Variants in NPAS3 observed in about 807,000 individuals in gnomAD.
The protein encoded by NPAS3 is neuronal PAS domain protein 3.
A neutral mutation model predicts 73.1 loss-of-function variants in NPAS3; 14 were observed. The ratio of observed to expected loss-of-function variants is 0.19; its 90% CI spans 0.13 to 0.30. The LOEUF (loss-of-function observed/expected upper bound fraction) is 0.30, where lower values mean the gene tolerates loss of function less well. Ranked by LOEUF, NPAS3 falls within the 10% of genes least tolerant of loss-of-function variation. The pLI, the probability that NPAS3 is intolerant of heterozygous loss-of-function variation, is 1.00. For synonymous variants in NPAS3, 620 were observed against 541.5 expected, an observed-to-expected ratio of 1.14 and a Z score of -2.01; for missense variants, 1,096 against 1,250.0, an observed-to-expected ratio of 0.88 and a Z score of 1.86.
At chr14:33,572,597 A>G (rs1288626518) in intron 5 of NPAS3, among the ~76,000 whole-genome samples, 1 of 152,228 alleles carries the variant, frequency 6.6e-6, no homozygotes, top group Non-Finnish European at 1.5e-5. Flanking sequence ...ACTTGACTCC[A>G]AAGCACTCAT....
At chr14:33,536,915 C>T (rs1439021702) in intron 4 of NPAS3, among the ~76,000 whole-genome samples, 3 of 152,074 alleles carry the variant, frequency 2.0e-5, no homozygotes, top group Non-Finnish European at 4.4e-5. Context: ...AGACATTTCA[C>T]ACAATGTCTA....
chr14:33,412,262 G>A lies in NPAS3; in HGVS notation c.468+44994G>A, dbSNP rs370602832. ...GCCTCCCGAGTAGCTGGGACTACAG[G>A]TGTGAACCACCACTCCCGGCTAAAT... On this transcript the variant is annotated intron_variant, in intron 4 of 11. Transcript: ENST00000356141. 8.5e-5 allele frequency among the ~76,000 whole-genome samples: 13 copies of A among 152,048 alleles called. No individual in the cohort carries two copies. In the East Asian group the frequency reaches 2.1e-3, roughly 25 times the overall value.
intron 5 of NPAS3, among the ~76,000 whole-genome samples, chr14:33,647,210 C>A (rs1235680371): frequency 6.6e-6 from 1 of 151,872 alleles, no homozygotes; most frequent in African/African-American, 2.4e-5. Flanking sequence ...CCAGAATGCA[C>A]CAAATGGCAT....
At chr14:33,126,240 G>A (rs79615984) in intron 2 of NPAS3, among the ~76,000 whole-genome samples, 3,341 of 152,140 alleles carry the variant, frequency 0.022, 51 homozygotes, top group Middle Eastern at 0.041. Flanking sequence ...CTTGCAAGTG[G>A]CAATAGAGGA....
chr14:33,484,891 T>A (rs2051505560), intron 4 of NPAS3, among the ~76,000 whole-genome samples: 2 of 152,108 alleles, frequency 1.3e-5, no homozygotes, highest in Non-Finnish European at 2.9e-5. Context: ...ACCCAGACCC[T>A]TCACAGATTT....
chr14:33,290,302 T>G (rs1314914002), intron 3 of NPAS3, among the ~76,000 whole-genome samples: 1 of 152,118 alleles, frequency 6.6e-6, no homozygotes, highest in African/African-American at 2.4e-5. Flanking sequence ...TTTTATTGTT[T>G]GGGTCTGGAA....
chr14:33,147,960 A>G (rs964859644), intron 2 of NPAS3, among the ~76,000 whole-genome samples: 1 of 151,990 alleles, frequency 6.6e-6, no homozygotes, highest in African/African-American at 2.4e-5. Context: ...TCCAATTCAA[A>G]CTTGGGCCAT....
intron 2 of NPAS3, among the ~76,000 whole-genome samples, chr14:33,061,147 C>A (rs992851834): frequency 1.3e-5 from 2 of 152,108 alleles, no homozygotes; most frequent in Non-Finnish European, 2.9e-5. Context: ...AAGACAGGCG[C>A]CTTGTCAGGG....
intron 4 of NPAS3, among the ~76,000 whole-genome samples, chr14:33,403,834 T>C (rs1023748399): frequency 1.3e-5 from 2 of 151,836 alleles, no homozygotes; most frequent in Non-Finnish European, 2.9e-5. Flanking sequence ...CTCTCTCTCT[T>C]TTATTTCCTT....
chr14:33,491,004 C>T (rs535288914), intron 4 of NPAS3, among the ~76,000 whole-genome samples: 1 of 152,308 alleles, frequency 6.6e-6, no homozygotes, highest in African/African-American at 2.4e-5. Context: ...ACGGCAGCAT[C>T]TCCTTATCTG....
intron 2 of NPAS3, among the ~76,000 whole-genome samples, chr14:33,077,949 G>C (rs1244982900): frequency 1.3e-5 from 2 of 151,596 alleles, no homozygotes; most frequent in Non-Finnish European, 2.9e-5. Flanking sequence ...ACCAGCCTGG[G>C]CAACATGGTG....
intron 1 of NPAS3, among the ~76,000 whole-genome samples, chr14:32,955,519 G>A (rs140769764): frequency 3.0e-4 from 45 of 152,158 alleles, no homozygotes; most frequent in African/African-American, 9.9e-4. Flanking sequence ...AATCTATTGC[G>A]AAAACTCAAG....
chr14:32,964,664 T>TA (rs2037075012), intron 1 of NPAS3, among the ~76,000 whole-genome samples: 1 of 152,152 alleles, frequency 6.6e-6, no homozygotes, highest in African/African-American at 2.4e-5. Flanking sequence ...AATGTGTAAT[T>TA]AGAGAAGCCT....
chr14:33,724,306 A>AT (rs1474376627), intron 6 of NPAS3, among the ~76,000 whole-genome samples: 22 of 152,276 alleles, frequency 1.4e-4, no homozygotes, highest in African/African-American at 5.3e-4. Context: ...GCCAGTAAAT[A>AT]TGTATTCAAA....
Position 33,389,116 on chromosome 14 carries a change from GA to G in NPAS3, c.468+21849del, listed in dbSNP as rs529357158. 8.3e-4 allele frequency among the ~76,000 whole-genome samples: 126 copies of G among 152,218 alleles called. 1 individual carries two copies. Among genetic ancestry groups the G allele is most frequent in the African/African-American group, 2.7e-3 (112 of 41,542 alleles). ...AGATTGGTATCTTGGCATTCTGTGAGATATATCACACACTCTTGGCAAGACT... is the reference window on the plus strand; with the variant it reads ...AGATTGGTATCTTGGCATTCTGTGAGTATATCACACACTCTTGGCAAGACT... On this transcript the variant is annotated intron_variant, in intron 4 of 11. Coordinates refer to ENST00000356141, the Ensembl canonical transcript of NPAS3.
intron 1 of NPAS3, among the ~76,000 whole-genome samples, chr14:32,982,957 G>A (rs2037957457): frequency 6.6e-6 from 1 of 152,154 alleles, no homozygotes; most frequent in South Asian, 2.1e-4. Flanking sequence ...AAGTGTGTCT[G>A]ATTTGGCCAG....
At chr14:33,195,091 G>A (rs929048469) in intron 2 of NPAS3, among the ~76,000 whole-genome samples, 3 of 152,018 alleles carry the variant, frequency 2.0e-5, no homozygotes, top group East Asian at 1.9e-4. Flanking sequence ...AGCAACCAAC[G>A]TGTATTTGTT....
chr14:33,109,698 C>T (rs2042828141), intron 2 of NPAS3, among the ~76,000 whole-genome samples: 2 of 151,730 alleles, frequency 1.3e-5, no homozygotes, highest in African/African-American at 4.8e-5. Flanking sequence ...CCGTATTGAG[C>T]ACAGATTAAA....
intron 2 of NPAS3, among the ~76,000 whole-genome samples, chr14:33,177,062 G>GT (rs2045612623): frequency 8.9e-6 from 1 of 112,436 alleles, no homozygotes; most frequent in Non-Finnish European, 1.9e-5. Flanking sequence ...TAATTAGGCT[G>GT]TTTATCTTTT....
Sources: allele counts gnomAD v4.1 joint callset (sites outside exome capture counted in the v4.1 genomes callset), GRCh38; gene constraint gnomAD v4.1.1; transcripts MANE v1.5; gene names NCBI Gene and HGNC (gene_info 2026-07-23, HGNC 2026-07-21).